Variants in HSP90AB1 observed in about 807,000 individuals in gnomAD.
HSP90AB1 encodes heat shock protein HSP 90-beta.
Under a neutral mutation model 67.8 loss-of-function variants are expected in HSP90AB1, and 17 were observed. The observed-to-expected ratio is 0.25, with a 90% CI of 0.17 to 0.38. The LOEUF is 0.38. Among genes scored for constraint, HSP90AB1 ranks in the 10% least tolerant of loss-of-function variants. The pLI, the probability that HSP90AB1 is intolerant of heterozygous loss-of-function variation, is 1.00. For missense variants in HSP90AB1, 690 were observed against 899.9 expected (o/e 0.77, Z 2.98); for synonymous variants, 390 against 312.9 (o/e 1.25, Z -2.60).
rs1780595454 is a variant in HSP90AB1, at chr6:44,251,165, C to T, written c.1075C>T (p.Arg359Cys). The change falls in exon 7 of 12, where the codon CGT (arginine) becomes TGT (cysteine). Residue 359 changes from arginine to cysteine, a missense_variant. Arg to Cys is a radical substitution (Grantham distance 180, BLOSUM62 -3). Around this residue, in one of 7 missense-constraint regions of HSP90AB1, gnomAD observed 101 missense variants for 174.8 expected, o/e 0.58. Transcript: ENST00000371646. ...KKNNIKLYVR[R>C]VFIMDSCDEL... is the part of the protein sequence containing the mutation. Reference sequence around the variant, plus strand: ...GAACAACATCAAACTCTATGTCCGCCGTGTGTTCATCATGGACAGCTGTGA... The same window carrying T: ...GAACAACATCAAACTCTATGTCCGCTGTGTGTTCATCATGGACAGCTGTGA... 2.5e-6 allele frequency: 4 copies of T among 1,614,176 alleles called. No individual in the cohort carries two copies. The highest frequency in any genetic ancestry group is 3.4e-6 in the Non-Finnish European group (4 of 1,180,020).
chr6:44,249,635 CTTCT>C (rs768515177), intron 3 of HSP90AB1, 36 bp from the exon 4 acceptor site: 10 of 1,610,418 alleles, frequency 6.2e-6, no homozygotes, highest in African/African-American at 1.3e-5. Flanking sequence ...TGGTTTTTTG[CTTCT>C]TTAAAACTTG....
intron 2 of HSP90AB1, 110 bp downstream of exon 2, chr6:44,248,886 C>T: frequency 1.1e-6 from 1 of 946,724 alleles, no homozygotes; most frequent in South Asian, 1.6e-5. Flanking sequence ...AGGGGGTAAA[C>T]TTGCAGCTAT....
intron 3 of HSP90AB1, 27 bp downstream of exon 3, chr6:44,249,610 C>T: frequency 6.2e-7 from 1 of 1,611,682 alleles, no homozygotes. Context: ...GGCATTCATA[C>T]TTATCTGTGT....
intron 1 of HSP90AB1, among the ~76,000 whole-genome samples, chr6:44,248,320 T>C (rs1354921139): frequency 6.6e-6 from 1 of 152,274 alleles, no homozygotes; most frequent in African/African-American, 2.4e-5. Context: ...ACCAACATTA[T>C]GATTTTTCTG....
rs546248608 is a variant in HSP90AB1 at position 44,247,131 on chromosome 6, C to G, written c.-65C>G. On this transcript the variant is annotated 5_prime_UTR_variant, in exon 1 of 12. Coordinates refer to ENST00000371646, the MANE Select transcript of HSP90AB1 (RefSeq NM_007355.4). ...GAGTCACTCCGGCGCAGTGTTGGGA[C>G]TGTCTGGGTATCGGAAAGCAAGCCT... 2 of 152,090 alleles carry G rather than the reference C, an allele frequency of 1.3e-5. No individual in the cohort carries two copies. Among genetic ancestry groups the G allele is most frequent in the African/African-American group, 4.8e-5 (2 of 41,440 alleles). 9.4% of individuals were successfully genotyped at this position (152,090 alleles called of 1,614,324 possible).
At position 44,253,101 on chromosome 6, in the gene HSP90AB1, C is replaced by T. The variant is rs376489754; in HGVS notation, c.1788C>T (p.Tyr596=). 70 of 1,614,108 alleles carry T rather than the reference C, an allele frequency of 4.3e-5. No homozygotes were observed. The highest frequency in any genetic ancestry group is 5.3e-5 in the Non-Finnish European group (63 of 1,179,946). The change falls in exon 11 of 12, where the codon TAC becomes TAT. Residue 596 remains tyrosine (Y), a synonymous_variant. Transcript: ENST00000371646. ...CTTGCTGCATTGTGACCAGCACCTA[C>T]GGCTGGACAGCCAATATGGAGCGGA... is the stretch of plus-strand genomic sequence containing the variant. The part of the protein sequence containing the change: ...SSPCCIVTST[Y]GWTANMERIM...
intron 1 of HSP90AB1, 90 bp downstream of exon 1, chr6:44,247,285 C>T (rs1042074198): frequency 1.3e-5 from 2 of 152,188 alleles, no homozygotes; most frequent in African/African-American, 2.4e-5. Context: ...GAGCCTTAGT[C>T]TAGATGTCGG....
At chr6:44,252,334 T>G (rs1780744570) in intron 10 of HSP90AB1, 67 bp downstream of exon 10, 1 of 1,464,790 alleles carries the variant, frequency 6.8e-7, no homozygotes, top group African/African-American at 1.4e-5. Context: ...ACAAGCATGT[T>G]TCTATACAAT....
rs767110201 is a variant in HSP90AB1 at position 44,250,279 on chromosome 6, T to C, written c.649-12T>C. ...TTGTACTCCAAGGCTAACTTCTGTT[T>C]TTGTTACTTAGTTGGAGAAGGAACG... On this transcript the variant is annotated splice_polypyrimidine_tract_variant and intron_variant, in intron 5 of 11. Coordinates refer to ENST00000371646, the MANE Select transcript of HSP90AB1 (RefSeq NM_007355.4). The C allele has an allele frequency of 1.2e-5, 20 of 1,612,298 alleles. No homozygotes were observed. Among genetic ancestry groups the C allele is most frequent in the South Asian group, 4.4e-5 (4 of 90,924 alleles).
rs746296192 is a variant in HSP90AB1 at position 44,249,806 on chromosome 6, A to G, written c.486A>G (p.Gly162=). 4 of 1,612,308 alleles carry G rather than the reference A, an allele frequency of 2.5e-6. No individual in the cohort carries two copies. Among genetic ancestry groups the G allele is most frequent in the Non-Finnish European group, 3.4e-6 (4 of 1,179,096 alleles). Residue 162 remains glycine, a synonymous_variant, in exon 4 of 12, where the codon GGA becomes GGG. Transcript: ENST00000371646. ...AGTATGCTTGGGAGTCTTCTGCTGGAGGTTCCTTCACTGTGCGTGCTGACC... is the reference window on the plus strand; with the variant it reads ...AGTATGCTTGGGAGTCTTCTGCTGGGGGTTCCTTCACTGTGCGTGCTGACC... ...DEQYAWESSA[G]GSFTVRADHG... is the part of the protein sequence containing the mutation.
Position 44,253,827 on chromosome 6 carries a change from CT to C in HSP90AB1, c.*231del, listed in dbSNP as rs768830881. 108 of 753,780 alleles carry C rather than the reference CT, an allele frequency of 1.4e-4. No homozygotes were observed. Among genetic ancestry groups the C allele is most frequent in the Middle Eastern group, 4.6e-4 (2 of 4,322 alleles). The allele number at this position is 753,780 out of a possible 1,614,324, so 46.7% of individuals were successfully genotyped here. A position where few individuals can be genotyped will look rare whatever the true frequency, so the allele number is the denominator to read the frequency against. ...TGTGTATTGTGGTTTATTTTATTTT[CT>C]TCATTTTGTTCTGAAATTAAAGTAT... is the stretch of plus-strand genomic sequence containing the variant. On this transcript the variant is annotated 3_prime_UTR_variant, in exon 12 of 12. Coordinates refer to ENST00000371646, the MANE Select transcript of HSP90AB1 (RefSeq NM_007355.4).
intron 2 of HSP90AB1, among the ~76,000 whole-genome samples, 167 bp downstream of exon 2, chr6:44,248,943 C>G (rs1329668285): frequency 6.6e-6 from 1 of 152,136 alleles, no homozygotes; most frequent in African/African-American, 2.4e-5. Context: ...TTGGAAGGGA[C>G]TATGTCCAGA....
Position 44,250,112 on chromosome 6 carries a change from G to A in HSP90AB1, c.606G>A (p.Val202=), listed in dbSNP as rs778114565. ...AAGAGAGGCGGGTCAAAGAAGTAGT[G>A]AAGAAGCATTCTCAGTTCATAGGCT... ...YLEERRVKEV[V]KKHSQFIGYP... Residue 202 remains valine (V), a synonymous_variant, in exon 5 of 12, where the codon GTG becomes GTA. Coordinates refer to ENST00000371646, the MANE Select transcript of HSP90AB1 (RefSeq NM_007355.4). 3.7e-6 allele frequency: 6 copies of A among 1,614,182 alleles called. No individual in the cohort carries two copies. Among genetic ancestry groups the A allele is most frequent in the Middle Eastern group, 1.6e-4 (1 of 6,062 alleles).
At chr6:44,252,818 G>A (rs1780874477) in intron 10 of HSP90AB1, among the ~76,000 whole-genome samples, 1 of 150,058 alleles carries the variant, frequency 6.7e-6, no homozygotes, top group African/African-American at 2.5e-5. Flanking sequence ...TTTTTGGACT[G>A]GATCTCGCTC....
In HSP90AB1 at chr6:44,247,101, C is replaced by T. The variant is rs138561119; in HGVS notation, c.-95C>T. 2 of 152,266 alleles carry T rather than the reference C, an allele frequency of 1.3e-5. No individual in the cohort carries two copies. The highest frequency in any genetic ancestry group is 2.4e-5 in the African/African-American group (1 of 41,440). The allele number at this position is 152,266 out of a possible 1,614,324, so 9.4% of individuals were successfully genotyped here. ...GGGCGACTTGGGGCACGCAGTAGCTCTCTCGAGTCACTCCGGCGCAGTGTT... is the reference window on the plus strand; with the variant it reads ...GGGCGACTTGGGGCACGCAGTAGCTTTCTCGAGTCACTCCGGCGCAGTGTT... On this transcript the variant is annotated 5_prime_UTR_variant, in exon 1 of 12. Coordinates refer to ENST00000371646, the MANE Select transcript of HSP90AB1 (RefSeq NM_007355.4).
rs867593389 is a variant in HSP90AB1 at position 44,247,187 on chromosome 6, C to A, written c.-9C>A. 6.6e-6 allele frequency: 1 copy of A among 152,200 alleles called. No homozygotes were observed. The highest frequency in any genetic ancestry group is 1.5e-5 in the Non-Finnish European group (1 of 68,050). The allele number at this position is 152,200 out of a possible 1,614,324, so 9.4% of individuals were successfully genotyped here. On this transcript the variant is annotated 5_prime_UTR_variant, in exon 1 of 12. Coordinates refer to ENST00000371646, the MANE Select transcript of HSP90AB1 (RefSeq NM_007355.4). ...GCTCACTATTACGTATAATCCTTTT[C>A]TTTTCAAGGTAAGGCTGAGATCTCC...
chr6:44,253,244 CCGA>C lies in HSP90AB1; in HGVS notation c.1933_1935del (p.Asp645del). 6.2e-7 allele frequency: 1 copy of C among 1,614,182 alleles called. No homozygotes were observed. The highest frequency in any genetic ancestry group is 8.5e-7 in the Non-Finnish European group (1 of 1,180,024). ...GAGACGCTGCGGCAGAAGGCTGAGG[CCGA>C]CAAGAATGATAAGGCAGTTAAGGAC... On this transcript the variant is annotated inframe_deletion, in exon 11 of 12. Transcript: ENST00000371646.
intron 9 of HSP90AB1, 26 bp from the exon 10 acceptor site, chr6:44,251,973 A>C (rs2070695): frequency 0.14 from 221,568 of 1,613,506 alleles, 16,391 homozygotes; most frequent in East Asian, 0.3. Context: ...CATTTTAGTC[A>C]CTGAGTTCAT....
At chr6:44,249,633 T>C (rs1780397229) in intron 3 of HSP90AB1, 42 bp from the exon 4 acceptor site, 3 of 1,611,232 alleles carry the variant, frequency 1.9e-6, no homozygotes, top group Non-Finnish European at 2.5e-6. Flanking sequence ...TTTGGTTTTT[T>C]GCTTCTTTAA....
Sources: gnomAD v4.1 joint callset for allele counts (sites outside exome capture counted in the v4.1 genomes callset) on GRCh38, gnomAD v4.1.1 for gene constraint, gnomAD v4.1.1 regional missense constraint, MANE v1.5 for transcripts, NCBI Gene and HGNC (gene_info 2026-07-23, HGNC 2026-07-21) for gene names.